The following JAKMIP3 variants were observed in gnomAD, a reference collection of about 807,000 sequenced individuals.
JAKMIP3 encodes Janus kinase and microtubule interacting protein 3.
Under a neutral mutation model 118.5 loss-of-function variants are expected in JAKMIP3, and 58 were observed. The ratio of observed to expected loss-of-function variants is 0.49; its 90% CI spans 0.40 to 0.61. JAKMIP3 has a LOEUF of 0.61. JAKMIP3 is among the 20% of genes least tolerant of loss of function. JAKMIP3 has a pLI of 0.00. For missense variants in JAKMIP3, 950 were observed against 1,109.0 expected (o/e 0.86, Z 2.04); for synonymous variants, 486 against 451.2 (o/e 1.08, Z -0.98).
At chr10:132,072,774 A>G (rs765961509) in intron 1 of JAKMIP3, among the ~76,000 whole-genome samples, 3 of 150,452 alleles carry the variant, frequency 2.0e-5, no homozygotes, top group Admixed American at 6.6e-5. Context: ...TTTTATTTTT[A>G]TTTCTTTAGG....
In JAKMIP3 at chr10:132,149,453, G is replaced by A. The variant is rs748106721; in HGVS notation, c.1890G>A (p.Thr630=). The A allele has an allele frequency of 3.0e-5, 48 of 1,606,244 alleles. No homozygotes were observed. Among genetic ancestry groups the A allele is most frequent in the Admixed American group, 1.3e-4 (8 of 59,490 alleles). The change falls in exon 15 of 24, where the codon ACG becomes ACA. Residue 630 remains threonine (T), a synonymous_variant. Transcript: ENST00000684848. The part of the protein sequence containing the change: ...RKSPAISFHH[T]PFVDGKSPLQ... ...CACCCGCCATCAGCTTCCACCACAC[G>A]CCCTTCGTGGACGGGAAGAGCCCCC...
At chr10:132,176,880 A>G (rs892142599) in intron 23 of JAKMIP3, among the ~76,000 whole-genome samples, 2 of 152,018 alleles carry the variant, frequency 1.3e-5, no homozygotes, top group African/African-American at 2.4e-5. Flanking sequence ...CATGGGTCAC[A>G]TTAGGAGTTG....
intron 1 of JAKMIP3, among the ~76,000 whole-genome samples, chr10:132,093,146 G>T (rs1318210814): frequency 3.9e-5 from 6 of 152,198 alleles, no homozygotes; most frequent in Non-Finnish European, 7.3e-5. Context: ...TCTCAGAGGG[G>T]TGCCCGGCCG....
intron 2 of JAKMIP3, among the ~76,000 whole-genome samples, chr10:132,113,828 G>A (rs1022084018): frequency 1.3e-5 from 2 of 152,216 alleles, no homozygotes; most frequent in South Asian, 4.1e-4. Context: ...CACCATTCAC[G>A]TAAAAAAGGC....
intron 1 of JAKMIP3, among the ~76,000 whole-genome samples, chr10:132,041,755 C>T (rs2026121): frequency 0.21 from 31,325 of 152,224 alleles, 4,036 homozygotes; most frequent in East Asian, 0.58. Context: ...GTCGCGTGGC[C>T]AGCCTGTGCC....
intron 7 of JAKMIP3, 42 bp downstream of exon 7, chr10:132,137,192 C>T (rs2051976430): frequency 6.2e-7 from 1 of 1,613,796 alleles, no homozygotes; most frequent in African/African-American, 1.3e-5. Context: ...CCTCTGGCTC[C>T]CAAGGGGCTT....
intron 1 of JAKMIP3, among the ~76,000 whole-genome samples, chr10:132,096,217 T>C (rs1564890513): frequency 2.0e-5 from 3 of 152,252 alleles, no homozygotes; most frequent in Non-Finnish European, 4.4e-5. Flanking sequence ...TTAGTTCTGA[T>C]ATTTTTAAAA....
At chr10:132,161,813 G>A (rs1432177958) in intron 19 of JAKMIP3, among the ~76,000 whole-genome samples, 1 of 97,492 alleles carries the variant, frequency 1.0e-5, no homozygotes, top group Non-Finnish European at 2.1e-5. Flanking sequence ...GTGTGATGCT[G>A]GGGGGGGCCT....
intron 19 of JAKMIP3, among the ~76,000 whole-genome samples, chr10:132,162,376 G>A (rs1454072080): frequency 1.3e-5 from 2 of 152,368 alleles, no homozygotes; most frequent in East Asian, 3.9e-4. Context: ...TTCCAAGCCA[G>A]CACTTGACCA....
At chr10:132,069,702 TG>T (rs1475929023) in intron 1 of JAKMIP3, among the ~76,000 whole-genome samples, 1 of 152,226 alleles carries the variant, frequency 6.6e-6, no homozygotes, top group Non-Finnish European at 1.5e-5. Flanking sequence ...AGCATGGCTC[TG>T]GTCTCAGAGT....
chr10:132,082,757 C>T (rs2041939605), intron 1 of JAKMIP3, among the ~76,000 whole-genome samples: 2 of 152,172 alleles, frequency 1.3e-5, no homozygotes, highest in South Asian at 4.2e-4. Context: ...ACTACAGGCG[C>T]CTGCCACCAT....
chr10:132,159,567 G>A lies in JAKMIP3; in HGVS notation c.2221-3642G>A, dbSNP rs545889593. The stretch of plus-strand genomic sequence containing the variant: ...GTCTCTCCCTGTGTGATGCTGGGGG[G>A]GCGTGTCTCCCTGTGTGATGCTGGG... On this transcript the variant is annotated intron_variant, in intron 19 of 23. Transcript: ENST00000684848. Among the ~76,000 whole-genome samples the A allele has an allele frequency of 2.9e-4, 31 of 107,240 alleles. No individual in the cohort carries two copies. In the South Asian group the frequency reaches 0.01, roughly 35 times the overall value. The allele number at this position is 107,240 out of a possible 152,430, so 70.4% of individuals were successfully genotyped here. A position where few individuals can be genotyped will look rare whatever the true frequency, so the allele number is the denominator to read the frequency against.
chr10:132,134,017 T>C (rs2051203330), intron 4 of JAKMIP3, among the ~76,000 whole-genome samples: 1 of 152,212 alleles, frequency 6.6e-6, no homozygotes, highest in Non-Finnish European at 1.5e-5. Flanking sequence ...TCCCACCCGC[T>C]TCTCATGTGA....
Position 132,140,754 on chromosome 10 carries a change from G to A in JAKMIP3, c.1473+175G>A, listed in dbSNP as rs533801379. Among the ~76,000 whole-genome samples the A allele has an allele frequency of 3.9e-5, 6 of 152,322 alleles. No homozygotes were observed. In the South Asian group the frequency reaches 6.2e-4, roughly 16 times the overall value. On this transcript the variant is annotated intron_variant, in intron 10 of 23. Coordinates refer to ENST00000684848, the MANE Select transcript of JAKMIP3 (RefSeq NM_001323087.2). ...TCGCGGCCCTCACTGGCACTGACCCGCTGATAGCTGACTCGGGCACGGTGA... is the reference window on the plus strand; with the variant it reads ...TCGCGGCCCTCACTGGCACTGACCCACTGATAGCTGACTCGGGCACGGTGA...
chr10:132,041,539 C>T (rs1313129396), intron 1 of JAKMIP3, among the ~76,000 whole-genome samples: 3 of 152,250 alleles, frequency 2.0e-5, no homozygotes, highest in Admixed American at 1.3e-4. Context: ...CTAGGAGGTG[C>T]ATCTTCTGGT....
At chr10:132,181,986 CTT>C (rs2061535805) in intron 23 of JAKMIP3, among the ~76,000 whole-genome samples, 2 of 152,238 alleles carry the variant, frequency 1.3e-5, no homozygotes, top group African/African-American at 4.8e-5. Flanking sequence ...GTAATAAAAA[CTT>C]TGAACTTAGC....
intron 2 of JAKMIP3, among the ~76,000 whole-genome samples, chr10:132,114,279 G>A (rs374462011): frequency 1.2e-4 from 19 of 152,318 alleles, no homozygotes; most frequent in African/African-American, 2.6e-4. Flanking sequence ...GCAGTGGTGC[G>A]ATCACAGCTC....
intron 8 of JAKMIP3, among the ~76,000 whole-genome samples, chr10:132,137,698 C>T (rs905976878): frequency 6.6e-6 from 1 of 152,200 alleles, no homozygotes; most frequent in Non-Finnish European, 1.5e-5. Flanking sequence ...CGGAGAGCAG[C>T]AGGACCCTGG....
chr10:132,127,161 T>C (rs767234290), intron 3 of JAKMIP3, among the ~76,000 whole-genome samples: 1 of 152,014 alleles, frequency 6.6e-6, no homozygotes, highest in African/African-American at 2.4e-5. Context: ...TTTGGTAAAA[T>C]AGATTCTTCA....
Sources: allele counts gnomAD v4.1 joint callset (sites outside exome capture counted in the v4.1 genomes callset), GRCh38; gene constraint gnomAD v4.1.1; transcripts MANE v1.5; gene names NCBI Gene and HGNC (gene_info 2026-07-23, HGNC 2026-07-21).